The following CPEB3 variants were observed in gnomAD, a reference collection of about 807,000 sequenced individuals.
The protein encoded by CPEB3 is cytoplasmic polyadenylation element binding protein 3.
CPEB3 carries 20 observed loss-of-function variants against 67.2 expected under a neutral mutation model. The observed-to-expected ratio is 0.30, with a 90% CI of 0.21 to 0.43. The LOEUF (loss-of-function observed/expected upper bound fraction) is 0.43, where lower values mean the gene tolerates loss of function less well. Ranked by LOEUF, CPEB3 falls within the 20% of genes least tolerant of loss-of-function variation. The probability of loss-of-function intolerance (pLI) is 1.00; values close to 1 mark genes in which losing one functional copy is unlikely to be tolerated. For missense variants in CPEB3, 746 were observed against 968.6 expected (o/e 0.77, Z 3.05); for synonymous variants, 376 against 393.1 (o/e 0.96, Z 0.51).
chr10:92,094,834 C>T (rs1296141540), intron 7 of CPEB3, among the ~76,000 whole-genome samples: 1 of 151,896 alleles, frequency 6.6e-6, no homozygotes, highest in Admixed American at 6.6e-5. Context: ...CACACACACA[C>T]ACACACAGAG....
At chr10:92,262,287 TTATC>T (rs924938336) in intron 1 of CPEB3, among the ~76,000 whole-genome samples, 11 of 152,186 alleles carry the variant, frequency 7.2e-5, no homozygotes, top group African/African-American at 2.7e-4. Flanking sequence ...TAAAATCTAA[TTATC>T]TAAATGCAGA....
chr10:92,061,266 A>G (rs1005088903), intron 9 of CPEB3, among the ~76,000 whole-genome samples: 1 of 152,032 alleles, frequency 6.6e-6, no homozygotes, highest in Non-Finnish European at 1.5e-5. Context: ...TAAAAATACA[A>G]AAATTAGCTG....
At chr10:92,145,183 G>A (rs184190222) in intron 4 of CPEB3, 98 bp from the exon 5 acceptor site, 3 of 1,350,748 alleles carry the variant, frequency 2.2e-6, no homozygotes, top group South Asian at 1.3e-5. Context: ...TTAGAAGCCC[G>A]AAGTGCAGAG....
At chr10:92,272,984 G>C (rs1749051239) in intron 1 of CPEB3, among the ~76,000 whole-genome samples, 1 of 152,174 alleles carries the variant, frequency 6.6e-6, no homozygotes, top group Admixed American at 6.6e-5. Flanking sequence ...CAAGGTAAGA[G>C]ATGCTGGTCA....
Position 92,161,564 on chromosome 10 carries a change from C to T in CPEB3, c.1223-16479G>A, listed in dbSNP as rs188716051. Among the ~76,000 whole-genome samples the T allele has an allele frequency of 3.7e-3, 556 of 152,130 alleles. 4 individuals are homozygous for T. The highest frequency in any genetic ancestry group is 0.012 in the African/African-American group (509 of 41,512). On this transcript the variant is annotated intron_variant, in intron 4 of 9. Coordinates refer to ENST00000265997, the MANE Select transcript of CPEB3 (RefSeq NM_014912.5). Reference sequence around the variant, plus strand: ...TTGGAATTACAGGCATGAGCCACCGCGCCCAGTGGCTTAGATTTGTTTTTA... The same window carrying T: ...TTGGAATTACAGGCATGAGCCACCGTGCCCAGTGGCTTAGATTTGTTTTTA...
intron 4 of CPEB3, among the ~76,000 whole-genome samples, chr10:92,164,066 T>C (rs527843649): frequency 2.6e-5 from 4 of 152,346 alleles, no homozygotes; most frequent in African/African-American, 9.6e-5. Context: ...TGGGATATTT[T>C]ATAAAGGAGA....
At position 92,181,000 on chromosome 10, in the gene CPEB3, G is replaced by C; in HGVS notation, c.1185C>G (p.Phe395Leu). The C allele has an allele frequency of 6.6e-7, 1 of 1,520,300 alleles. No homozygotes were observed. Among genetic ancestry groups the C allele is most frequent in the South Asian group, 1.1e-5 (1 of 88,686 alleles). The allele number at this position is 1,520,300 out of a possible 1,614,324, so 94.2% of individuals were successfully genotyped here. ...TAATATTATCTGTTCCTGGATGATG[G>C]AAATTTATCCCCATGCGTCCTAAAA... is the stretch of plus-strand genomic sequence containing the variant. The part of the protein sequence containing the change: ...NHFAGRMGIN[F>L]HHPGTDNIMA... Residue 395 changes from phenylalanine (F) to leucine (L), a missense_variant, in exon 4 of 10, where the codon TTC becomes TTG. Transcript: ENST00000265997.
rs886721318 is a variant in CPEB3, at chr10:92,101,203, C to T, written c.1573-9259G>A. On this transcript the variant is annotated intron_variant, in intron 7 of 9. Transcript: ENST00000265997. ...GGGAAACCATCTGACCAAAGACCCC[C>T]TCAAAGCCGTATGTTCTTTTTCCCA... Among the ~76,000 whole-genome samples, 14 of 152,252 alleles carry T rather than the reference C, an allele frequency of 9.2e-5. No homozygotes were observed. In the South Asian group the frequency reaches 2.3e-3, roughly 25 times the overall value.
intron 7 of CPEB3, among the ~76,000 whole-genome samples, chr10:92,099,436 G>A (rs1844062763): frequency 6.6e-6 from 1 of 152,052 alleles, no homozygotes; most frequent in Non-Finnish European, 1.5e-5. Context: ...ATAGGCATGA[G>A]CCACCGTGCC....
At chr10:92,069,560 C>T (rs1842676392) in intron 9 of CPEB3, among the ~76,000 whole-genome samples, 1 of 152,084 alleles carries the variant, frequency 6.6e-6, no homozygotes, top group Non-Finnish European at 1.5e-5. Flanking sequence ...CGTACCACTA[C>T]CGTCCAGCTA....
chr10:92,268,248 A>T (rs1750292572), intron 1 of CPEB3, among the ~76,000 whole-genome samples: 1 of 152,174 alleles, frequency 6.6e-6, no homozygotes, highest in Admixed American at 6.6e-5. Flanking sequence ...TAGTGAAATG[A>T]TTCACAGTTT....
Position 92,252,051 on chromosome 10 carries a change from T to TA in CPEB3, c.-11-11691_-11-11690insT, listed in dbSNP as rs1277628385. ...TATATGCTCTCTCTCTCTATATATA[T>TA]TTTTTTTCAACAAAAGACTTGTAAC... is the stretch of plus-strand genomic sequence containing the variant. On this transcript the variant is annotated intron_variant, in intron 1 of 9. Coordinates refer to ENST00000265997, the MANE Select transcript of CPEB3 (RefSeq NM_014912.5). 5.9e-5 allele frequency among the ~76,000 whole-genome samples: 9 copies of TA among 151,608 alleles called. No individual in the cohort carries two copies. In the South Asian group the frequency reaches 1.7e-3, roughly 28 times the overall value.
At chr10:92,077,967 A>G (rs1843000517) in intron 9 of CPEB3, among the ~76,000 whole-genome samples, 1 of 152,154 alleles carries the variant, frequency 6.6e-6, no homozygotes, top group African/African-American at 2.4e-5. Context: ...CTCTCACCCC[A>G]GGGCACTGAA....
intron 8 of CPEB3, among the ~76,000 whole-genome samples, chr10:92,090,065 A>C (rs917627000): frequency 1.3e-5 from 2 of 152,244 alleles, no homozygotes. Context: ...CAAATCATTA[A>C]AACAGGAAGA....
intron 6 of CPEB3, among the ~76,000 whole-genome samples, chr10:92,133,263 G>A (rs1194711777): frequency 5.3e-5 from 8 of 152,128 alleles, no homozygotes; most frequent in African/African-American, 1.7e-4. Context: ...AAAATTGATA[G>A]ACTGCTAGCA....
At chr10:92,118,671 T>A in intron 6 of CPEB3, 1 of 671,748 alleles carries the variant, frequency 1.5e-6, no homozygotes, top group African/African-American at 1.8e-5. Context: ...GCACTCTTGC[T>A]GAGACATGTT....
intron 1 of CPEB3, among the ~76,000 whole-genome samples, chr10:92,269,976 AC>A (rs1310747146): frequency 7.3e-6 from 1 of 136,646 alleles, no homozygotes; most frequent in African/African-American, 2.8e-5. Context: ...TCTGGTCCCC[AC>A]CTTCATCTTC....
At chr10:92,190,386 C>T (rs1848909945) in intron 3 of CPEB3, among the ~76,000 whole-genome samples, 1 of 151,960 alleles carries the variant, frequency 6.6e-6, no homozygotes, top group Non-Finnish European at 1.5e-5. Flanking sequence ...TAGGAGGAGG[C>T]TGGGCGCAGT....
intron 7 of CPEB3, among the ~76,000 whole-genome samples, chr10:92,107,605 G>A (rs1022957739): frequency 6.6e-6 from 1 of 152,052 alleles, no homozygotes; most frequent in Non-Finnish European, 1.5e-5. Flanking sequence ...TGATGAGAGG[G>A]ACCACTGTGC....
Sources: allele counts gnomAD v4.1 joint callset (sites outside exome capture counted in the v4.1 genomes callset), GRCh38; gene constraint gnomAD v4.1.1; transcripts MANE v1.5; gene names NCBI Gene and HGNC (gene_info 2026-07-23, HGNC 2026-07-21).